DNAJC5B: variants seen among roughly 807,000 people sequenced by gnomAD.
DNAJC5B encodes the protein dnaJ homolog subfamily C member 5B.
DNAJC5B carries 23 observed loss-of-function variants against 24.7 expected under a neutral mutation model. That is an observed-to-expected ratio of 0.93 (90% CI 0.67 to 1.32). DNAJC5B has a LOEUF of 1.32. Ranked by LOEUF, DNAJC5B falls within the 40% of genes most tolerant of loss-of-function variation. The pLI is 0.00. For synonymous variants in DNAJC5B, 101 were observed against 90.1 expected, an observed-to-expected ratio of 1.12 and a Z score of -0.68; for missense variants, 238 against 240.8, an observed-to-expected ratio of 0.99 and a Z score of 0.08.
At chr8:66,028,311 T>C (rs1321757193) in intron 1 of DNAJC5B, among the ~76,000 whole-genome samples, 2 of 152,170 alleles carry the variant, frequency 1.3e-5, no homozygotes, top group African/African-American at 4.8e-5. Flanking sequence ...ATTCTTGGCG[T>C]GCAAAGCAAA....
intron 3 of DNAJC5B, among the ~76,000 whole-genome samples, chr8:66,070,187 A>T (rs1191016459): frequency 6.6e-6 from 1 of 152,206 alleles, no homozygotes; most frequent in Non-Finnish European, 1.5e-5. Flanking sequence ...CCTATTCAAC[A>T]TAGCAGTGGA....
At chr8:66,049,877 T>C (rs1289057830) in intron 2 of DNAJC5B, among the ~76,000 whole-genome samples, 1 of 152,236 alleles carries the variant, frequency 6.6e-6, no homozygotes, top group East Asian at 1.9e-4. Flanking sequence ...TATCTGTTGA[T>C]TTATGGGAGT....
At chr8:66,078,059 C>T (rs1807509979) in intron 4 of DNAJC5B, among the ~76,000 whole-genome samples, 1 of 152,172 alleles carries the variant, frequency 6.6e-6, no homozygotes, top group South Asian at 2.1e-4. Context: ...CTGGGCGTGA[C>T]ACTCTTTCCA....
intron 3 of DNAJC5B, among the ~76,000 whole-genome samples, chr8:66,066,976 AG>A (rs1289656350): frequency 8.0e-5 from 12 of 150,760 alleles, no homozygotes; most frequent in African/African-American, 2.7e-4. Context: ...ATTTTTAAAA[AG>A]CTAGGGGCCA....
At chr8:66,078,965 T>C (rs1425963579) in intron 4 of DNAJC5B, among the ~76,000 whole-genome samples, 1 of 152,202 alleles carries the variant, frequency 6.6e-6, no homozygotes, top group Non-Finnish European at 1.5e-5. Flanking sequence ...GCTCCCTTAA[T>C]TAGATAAAAT....
intron 1 of DNAJC5B, among the ~76,000 whole-genome samples, chr8:66,026,983 T>C (rs1016819637): frequency 1.3e-5 from 2 of 152,226 alleles, no homozygotes; most frequent in African/African-American, 4.8e-5. Context: ...TTTTTAAAAA[T>C]GCATAGATTG....
chr8:66,026,549 C>A (rs951757636), intron 1 of DNAJC5B, among the ~76,000 whole-genome samples: 1 of 152,254 alleles, frequency 6.6e-6, no homozygotes, highest in Non-Finnish European at 1.5e-5. Context: ...TCCCCTGAGG[C>A]GCCTTGGCAG....
upstream of DNAJC5B, among the ~76,000 whole-genome samples, chr8:66,020,579 G>T (rs954053513): frequency 6.8e-6 from 1 of 147,314 alleles, no homozygotes. Flanking sequence ...CTGGTATAGC[G>T]CTGTAATCAA....
At chr8:66,065,340 C>T (rs552657308) in intron 3 of DNAJC5B, among the ~76,000 whole-genome samples, 1 of 152,314 alleles carries the variant, frequency 6.6e-6, no homozygotes, top group East Asian at 1.9e-4. Context: ...TGTAATGTGG[C>T]CTTCAGTGTG....
At chr8:66,080,635 GT>G (rs11324426) in intron 5 of DNAJC5B, 87 bp downstream of exon 5, 58,949 of 1,209,414 alleles carry the variant, frequency 0.049, 2,270 homozygotes, top group African/African-American at 0.18. Context: ...TATCACTATA[GT>G]AGGAGAGCTC....
chr8:66,035,687 C>T lies in DNAJC5B; in HGVS notation c.-141-7801C>T, dbSNP rs75840970. Among the ~76,000 whole-genome samples, 950 of 152,276 alleles carry T rather than the reference C, an allele frequency of 6.2e-3. 8 individuals carry two copies. The highest frequency in any genetic ancestry group is 0.011 in the Non-Finnish European group (747 of 68,018). On this transcript the variant is annotated intron_variant, in intron 1 of 5. Coordinates refer to ENST00000276570, the MANE Select transcript of DNAJC5B (RefSeq NM_033105.6). ...TTGACTTCTGACTTCTGACTTCTGG[C>T]CTCCAGACCTGTAAGATGAGACATT...
chr8:66,039,346 C>CA (rs370454303), intron 1 of DNAJC5B, among the ~76,000 whole-genome samples: 2 of 130,612 alleles, frequency 1.5e-5, no homozygotes, highest in Non-Finnish European at 3.2e-5. Context: ...CCACTTCATA[C>CA]TTTTTTTTTT....
chr8:66,100,003 G>T lies in DNAJC5B; in HGVS notation c.572G>T (p.Gly191Val). The T allele has an allele frequency of 6.2e-7, 1 of 1,613,970 alleles. No individual in the cohort carries two copies. Among genetic ancestry groups the T allele is most frequent in the East Asian group, 2.2e-5 (1 of 44,876 alleles). ...GAGAAAACACAGCTAATCAAAGAAG[G>T]ATCTCGAAGTTATTGCACAGACTCT... ...ANEKTQLIKE[G>V]SRSYCTDS is the part of the protein sequence containing the mutation. The change falls in exon 6 of 6, where the codon GGA becomes GTA. Residue 191 changes from glycine (G) to valine (V), a missense_variant. Gly to Val is a moderately radical substitution (Grantham distance 109). Coordinates refer to ENST00000276570, the MANE Select transcript of DNAJC5B (RefSeq NM_033105.6).
At chr8:66,043,226 G>C (rs950310129) in intron 1 of DNAJC5B, among the ~76,000 whole-genome samples, 3 of 152,120 alleles carry the variant, frequency 2.0e-5, no homozygotes, top group African/African-American at 4.8e-5. Context: ...TAAATCAACT[G>C]ATCAGTAGTA....
chr8:66,034,405 G>A (rs1586066646), intron 1 of DNAJC5B, among the ~76,000 whole-genome samples: 1 of 152,034 alleles, frequency 6.6e-6, no homozygotes, highest in Non-Finnish European at 1.5e-5. Context: ...GGCTGGGGTG[G>A]TGGATAGAGT....
intron 1 of DNAJC5B, among the ~76,000 whole-genome samples, chr8:66,042,516 A>C (rs1410879845): frequency 6.6e-6 from 1 of 152,196 alleles, no homozygotes; most frequent in Non-Finnish European, 1.5e-5. Context: ...TATTTCATCA[A>C]AGGACACTGT....
At chr8:66,075,471 A>C (rs954675154) in intron 3 of DNAJC5B, among the ~76,000 whole-genome samples, 4 of 152,222 alleles carry the variant, frequency 2.6e-5, no homozygotes, top group Non-Finnish European at 5.9e-5. Context: ...AAAGTAAAAA[A>C]ATGACAAAAG....
intron 5 of DNAJC5B, among the ~76,000 whole-genome samples, chr8:66,098,305 C>T (rs1224957400): frequency 1.3e-5 from 2 of 152,122 alleles, no homozygotes; most frequent in Non-Finnish European, 2.9e-5. Flanking sequence ...TGGGTTCAAG[C>T]AATTCTCCTT....
Position 66,039,135 on chromosome 8 carries a change from A to G in DNAJC5B, c.-141-4353A>G, listed in dbSNP as rs1806551746. 5.3e-5 allele frequency among the ~76,000 whole-genome samples: 8 copies of G among 152,310 alleles called. No homozygotes were observed. In the South Asian group the frequency reaches 1.7e-3, roughly 32 times the overall value. On this transcript the variant is annotated intron_variant, in intron 1 of 5. Transcript: ENST00000276570. ...TGGCACAGTCATAGACCGATAAGCA[A>G]GGGAATATAGCAGGCAGCAGTCCCC... is the stretch of plus-strand genomic sequence containing the variant.
Sources: allele counts gnomAD v4.1 joint callset (sites outside exome capture counted in the v4.1 genomes callset), GRCh38; gene constraint gnomAD v4.1.1; transcripts MANE v1.5; gene names NCBI Gene and HGNC (gene_info 2026-07-23, HGNC 2026-07-21).